RBM44: variants seen among roughly 807,000 people sequenced by gnomAD.
RBM44 encodes RNA-binding protein 44.
Under a neutral mutation model 105.1 loss-of-function variants are expected in RBM44, and 66 were observed. The observed-to-expected ratio is 0.63, with a 90% CI of 0.52 to 0.77. The LOEUF (loss-of-function observed/expected upper bound fraction) is 0.77. Ranked by LOEUF, RBM44 falls within the 30% of genes least tolerant of loss-of-function variation. The probability of loss-of-function intolerance (pLI) is 0.00; values close to 1 mark genes in which losing one functional copy is unlikely to be tolerated. For missense variants in RBM44, 1,122 were observed against 1,207.8 expected, an observed-to-expected ratio of 0.93 and a Z score of 1.05; for synonymous variants, 365 against 417.6, an observed-to-expected ratio of 0.87 and a Z score of 1.54.
intron 2 of RBM44, among the ~76,000 whole-genome samples, chr2:237,815,647 A>G (rs1332268185): frequency 2.0e-5 from 3 of 152,048 alleles, no homozygotes; most frequent in African/African-American, 7.2e-5. Context: ...TTTTTGTTTT[A>G]CTTATACACA....
At chr2:237,824,209 G>T in intron 9 of RBM44, 82 bp from the exon 10 acceptor site, 1 of 1,358,474 alleles carries the variant, frequency 7.4e-7, no homozygotes, top group South Asian at 1.3e-5. Context: ...TCATCGTACT[G>T]ATTCATCCAT....
chr2:237,834,182 T>C (rs1576517561), intron 14 of RBM44, 40 bp downstream of exon 14: 1 of 1,531,476 alleles, frequency 6.5e-7, no homozygotes, highest in Non-Finnish European at 8.8e-7. Context: ...TTAAAACTTC[T>C]GTGTAAAAAT....
intron 1 of RBM44, among the ~76,000 whole-genome samples, chr2:237,806,814 C>T (rs1351148417): frequency 6.6e-6 from 1 of 152,140 alleles, no homozygotes; most frequent in African/African-American, 2.4e-5. Context: ...ATTTCTTCTA[C>T]CCAGAGCATT....
chr2:237,841,480 TG>T lies in RBM44; in HGVS notation c.*23-357del, dbSNP rs1255145277. Among the ~76,000 whole-genome samples, 1 of 152,188 alleles carries T rather than the reference TG, an allele frequency of 6.6e-6. No homozygotes were observed. The highest frequency in any genetic ancestry group is 1.5e-5 in the Non-Finnish European group (1 of 68,020). On this transcript the variant is annotated intron_variant, in intron 15 of 15. Transcript: ENST00000316997. This position sits in a 1 kb window ranked among gnomAD's most constrained non-coding sequence, Gnocchi z 4.5. ...CCTATCTGGTACCACGCTTATTACC[TG>T]GATGATGAAATAATCTATACACTAA... is the stretch of plus-strand genomic sequence containing the variant.
chr2:237,821,157 T>C lies in RBM44; in HGVS notation c.2000T>C (p.Leu667Ser), dbSNP rs1187668812. The change falls in exon 6 of 16, where the codon TTG becomes TCG. Residue 667 changes from leucine to serine, a missense_variant. Around this residue, in one of 3 missense-constraint regions of RBM44, gnomAD observed 918 missense variants for 955.3 expected, o/e 0.96. Transcript: ENST00000316997. The stretch of plus-strand genomic sequence containing the variant: ...GACTTAAAAGTTAGATATGTGACTT[T>C]GAAAGAAAAAATACACAAAGGCATA... The part of the protein sequence containing the change: ...LGDLKVRYVT[L>S]KEKIHKGIPL... 6.2e-7 allele frequency: 1 copy of C among 1,611,468 alleles called. No individual in the cohort carries two copies. The highest frequency in any genetic ancestry group is 8.5e-7 in the Non-Finnish European group (1 of 1,178,798).
At chr2:237,813,160 C>A (rs2061675775) in intron 1 of RBM44, among the ~76,000 whole-genome samples, 1 of 152,170 alleles carries the variant, frequency 6.6e-6, no homozygotes, top group African/African-American at 2.4e-5. Context: ...TACTAATATA[C>A]TTTCTCTATA....
At chr2:237,805,190 C>T (rs1356413968) in intron 1 of RBM44, among the ~76,000 whole-genome samples, 2 of 151,942 alleles carry the variant, frequency 1.3e-5, no homozygotes, top group Non-Finnish European at 2.9e-5. Flanking sequence ...TTATATACGC[C>T]AACAATGACA....
chr2:237,834,455 A>G (rs2061936428), intron 15 of RBM44, 32 bp downstream of exon 15: 1 of 1,094,696 alleles, frequency 9.1e-7, no homozygotes, highest in South Asian at 1.9e-5. Context: ...GTATTTGAAT[A>G]TTACTTAAAA....
chr2:237,830,393 C>T (rs1250886392), intron 13 of RBM44, among the ~76,000 whole-genome samples: 2 of 152,056 alleles, frequency 1.3e-5, no homozygotes, highest in Non-Finnish European at 2.9e-5. Context: ...TTTCTCACTT[C>T]GTGCCTTGTC....
chr2:237,817,020 A>G lies in RBM44; in HGVS notation c.101A>G (p.Asn34Ser). 1 of 1,544,818 alleles carries G rather than the reference A, an allele frequency of 6.5e-7. No homozygotes were observed. The highest frequency in any genetic ancestry group is 8.7e-7 in the Non-Finnish European group (1 of 1,149,192). Residue 34 changes from asparagine (N) to serine (S), a missense_variant, in exon 3 of 16, where the codon AAT becomes AGT. Asn to Ser is a conservative substitution (Grantham distance 46). Around this residue, in one of 3 missense-constraint regions of RBM44, gnomAD observed 918 missense variants for 955.3 expected, o/e 0.96. Coordinates refer to ENST00000316997, the MANE Select transcript of RBM44 (RefSeq NM_001080504.3). ...KDKPSNPKKE[N>S]LLLSSNGCDE... is the part of the protein sequence containing the mutation. ...AAACCTTCAAATCCAAAGAAAGAAA[A>G]TTTGTTATTATCCTCCAATGGTTGT...
intron 1 of RBM44, among the ~76,000 whole-genome samples, chr2:237,805,036 G>A (rs983185111): frequency 6.6e-6 from 1 of 152,140 alleles, no homozygotes; most frequent in African/African-American, 2.4e-5. Context: ...CATCCAAATA[G>A]GAAGAGAGGA....
chr2:237,815,058 A>G (rs751207995), intron 2 of RBM44, among the ~76,000 whole-genome samples: 1 of 152,098 alleles, frequency 6.6e-6, no homozygotes, highest in Non-Finnish European at 1.5e-5. Flanking sequence ...TAAAAAGTTA[A>G]AGCCAGGCAA....
At chr2:237,835,930 T>TTA (rs2061954894) in intron 15 of RBM44, among the ~76,000 whole-genome samples, 12 of 152,132 alleles carry the variant, frequency 7.9e-5, no homozygotes, top group Admixed American at 7.2e-4. Flanking sequence ...CTAACAAAAG[T>TTA]GCAATGTGAA....
At chr2:237,809,725 G>A (rs74461423) in intron 1 of RBM44, among the ~76,000 whole-genome samples, 2,766 of 152,160 alleles carry the variant, frequency 0.018, 42 homozygotes, top group Non-Finnish European at 0.029. Context: ...CACTAACTAG[G>A]TCAGTGCTAT....
Position 237,822,291 on chromosome 2 carries a change from C to T in RBM44, c.2205+464C>T, listed in dbSNP as rs1009396598. ...AGATGATGAAAATCATTTTTAAATG[C>T]CTGTCATAGGTTTTCTTACTCTTTC... On this transcript the variant is annotated intron_variant, in intron 8 of 15. Transcript: ENST00000316997. Among the ~76,000 whole-genome samples, 4 of 152,104 alleles carry T rather than the reference C, an allele frequency of 2.6e-5. No homozygotes were observed. In the East Asian group the frequency reaches 7.7e-4, roughly 29 times the overall value.
At chr2:237,837,022 C>A (rs2061967014) in intron 15 of RBM44, among the ~76,000 whole-genome samples, 1 of 152,038 alleles carries the variant, frequency 6.6e-6, no homozygotes, top group Non-Finnish European at 1.5e-5. Context: ...ACCACCATGC[C>A]AGGATAATTT....
rs374969768 is a variant in RBM44 at position 237,837,222 on chromosome 2, T to C, written c.*22+2799T>C. On this transcript the variant is annotated intron_variant, in intron 15 of 15. Coordinates refer to ENST00000316997, the MANE Select transcript of RBM44 (RefSeq NM_001080504.3). Reference sequence around the variant, plus strand: ...GAGATGTAGAAGGAAATTAATGGGGTTTTTTTTATGCCTGCTAACACAACA... The same window carrying C: ...GAGATGTAGAAGGAAATTAATGGGGCTTTTTTTATGCCTGCTAACACAACA... 6.6e-5 allele frequency among the ~76,000 whole-genome samples: 10 copies of C among 152,040 alleles called. No individual in the cohort carries two copies. In the South Asian group the frequency reaches 2.1e-3, roughly 32 times the overall value.
At position 237,818,008 on chromosome 2, in the gene RBM44, G is replaced by A. The variant is rs748347354; in HGVS notation, c.1089G>A (p.Gln363=). The A allele has an allele frequency of 1.2e-6, 2 of 1,612,920 alleles. No homozygotes were observed. The highest frequency in any genetic ancestry group is 1.7e-6 in the Non-Finnish European group (2 of 1,179,342). ...TTGAAAATCCTAGCACATTACCACA[G>A]GATAAAGCTTTAGAGACATTACTCC... ...LHLENPSTLP[Q]DKALETLLQP... Residue 363 remains glutamine (Q), a synonymous_variant, in exon 3 of 16, where the codon CAG becomes CAA. Coordinates refer to ENST00000316997, the MANE Select transcript of RBM44 (RefSeq NM_001080504.3). The surrounding 1 kb of genome is among the most constrained non-coding windows in gnomAD (Gnocchi z 4.6).
chr2:237,821,515 T>A (rs576926081), intron 7 of RBM44, 147 bp downstream of exon 7: 1 of 754,896 alleles, frequency 1.3e-6, no homozygotes, highest in East Asian at 2.7e-5. Flanking sequence ...CATTTAATAT[T>A]GTACAAATGT....
Sources: allele counts gnomAD v4.1 joint callset (sites outside exome capture counted in the v4.1 genomes callset), GRCh38; gene constraint gnomAD v4.1.1; regional missense constraint gnomAD v4.1.1; non-coding constraint Gnocchi (gnomAD v3.1); transcripts MANE v1.5; gene names NCBI Gene and HGNC (gene_info 2026-07-23, HGNC 2026-07-21).